Variants in TAMALIN observed in about 807,000 individuals in gnomAD.
TAMALIN encodes protein TAMALIN.
A neutral mutation model predicts 38.5 loss-of-function variants in TAMALIN; 9 were observed. The observed-to-expected ratio is 0.23, with a 90% CI of 0.14 to 0.41. TAMALIN has a LOEUF of 0.41. TAMALIN is among the 10% of genes least tolerant of loss of function. The pLI is 1.00. For missense variants in TAMALIN, 548 were observed against 554.1 expected (o/e 0.99, Z 0.11); for synonymous variants, 306 against 256.5 (o/e 1.19, Z -1.85).
At chr12:52,008,693 A>T in intron 1 of TAMALIN, 4 of 985,340 alleles carry the variant, frequency 4.1e-6, no homozygotes, top group African/African-American at 1.7e-5. Context: ...CTCCCAAGCC[A>T]CTGTCTGTAG....
chr12:52,010,435 TG>T, intron 2 of TAMALIN: 1 of 927,720 alleles, frequency 1.1e-6, no homozygotes, highest in Non-Finnish European at 1.3e-6. Flanking sequence ...CCAGCATAGC[TG>T]GGAGGAGCAG....
Position 52,010,874 on chromosome 12 carries a change from C to T in TAMALIN, c.297-7C>T. 4 of 1,613,992 alleles carry T rather than the reference C, an allele frequency of 2.5e-6. No homozygotes were observed. Among genetic ancestry groups the T allele is most frequent in the Non-Finnish European group, 3.4e-6 (4 of 1,180,012 alleles). The stretch of plus-strand genomic sequence containing the variant: ...CCTAATTGTCTTGACCCCTGTGTCT[C>T]TTGCAGGAAAGTGCTGACGTTGGAG... On this transcript the variant is annotated splice_region_variant and splice_polypyrimidine_tract_variant and intron_variant, in intron 2 of 7. Transcript: ENST00000293662.
chr12:52,014,986 G>GGCCGCGCTGA lies in TAMALIN; in HGVS notation c.981_990dup (p.Ser331AlafsTer27). ...CCGTGGGGCCGGGCCCTGGGCCGCG[G>GGCCGCGCTGA]GCCGCGCTGAGCCGCAGCGCCAGTG... On this transcript the variant is annotated frameshift_variant, in exon 8 of 8. Transcript: ENST00000293662. LOFTEE classifies it high-confidence loss of function. 1.0e-6 allele frequency: 1 copy of GGCCGCGCTGA among 980,058 alleles called. No individual in the cohort carries two copies. Among genetic ancestry groups the GGCCGCGCTGA allele is most frequent in the Non-Finnish European group, 1.2e-6 (1 of 824,492 alleles). 60.7% of individuals were successfully genotyped at this position (980,058 alleles called of 1,614,324 possible). A position where few individuals can be genotyped will look rare whatever the true frequency, so the allele number is the denominator to read the frequency against.
Position 52,011,432 on chromosome 12 carries a change from A to T in TAMALIN, c.454+291A>T. The T allele has an allele frequency of 1.7e-6, 1 of 588,366 alleles. No homozygotes were observed. The allele number at this position is 588,366 out of a possible 1,614,324, so 36.4% of individuals were successfully genotyped here. A position where few individuals can be genotyped will look rare whatever the true frequency, so the allele number is the denominator to read the frequency against. Reference sequence around the variant, plus strand: ...GCCAGGGCCTAATTAATGGTGGATGATGCTGCTGCTGCTCTGATTCCTCCC... The same window carrying T: ...GCCAGGGCCTAATTAATGGTGGATGTTGCTGCTGCTGCTCTGATTCCTCCC... On this transcript the variant is annotated intron_variant, in intron 4 of 7. Transcript: ENST00000293662. This position sits in a 1 kb window ranked among gnomAD's most constrained non-coding sequence, Gnocchi z 5.3.
intron 1 of TAMALIN, chr12:52,008,301 G>T: frequency 1.0e-6 from 1 of 985,282 alleles, no homozygotes; most frequent in Non-Finnish European, 1.2e-6. Flanking sequence ...GGGCTGCTCT[G>T]GGACTGGACC....
At position 52,014,955 on chromosome 12, in the gene TAMALIN, C is replaced by T; in HGVS notation, c.944C>T (p.Thr315Ile). 1 of 980,194 alleles carries T rather than the reference C, an allele frequency of 1.0e-6. No individual in the cohort carries two copies. Among genetic ancestry groups the T allele is most frequent in the East Asian group, 1.0e-4 (1 of 9,756 alleles). 60.7% of individuals were successfully genotyped at this position (980,194 alleles called of 1,614,324 possible). ...ARAFGPGPAE[T>I]PAVGPGPGPR... ...GCCTTCGGCCCGGGCCCCGCCGAGACCCCTGCCGTGGGGCCGGGCCCTGGG... is the reference window on the plus strand; with the variant it reads ...GCCTTCGGCCCGGGCCCCGCCGAGATCCCTGCCGTGGGGCCGGGCCCTGGG... Residue 315 changes from threonine (T) to isoleucine (I), a missense_variant, in exon 8 of 8, where the codon ACC (threonine) becomes ATC (isoleucine). Thr to Ile is a moderately conservative substitution (Grantham distance 89). Coordinates refer to ENST00000293662, the MANE Select transcript of TAMALIN (RefSeq NM_181711.4).
Position 52,007,155 on chromosome 12 carries a change from G to C in TAMALIN, c.136G>C (p.Ala46Pro). 1 of 1,493,014 alleles carries C rather than the reference G, an allele frequency of 6.7e-7. No homozygotes were observed. The highest frequency in any genetic ancestry group is 8.8e-7 in the Non-Finnish European group (1 of 1,130,020). 92.5% of individuals were successfully genotyped at this position (1,493,014 alleles called of 1,614,324 possible). Residue 46 changes from alanine (A) to proline (P), a missense_variant, in exon 1 of 8, where the codon GCC becomes CCC. Around this residue, in one of 3 missense-constraint regions of TAMALIN, gnomAD observed 128 missense variants for 117.9 expected, o/e 1.09. Transcript: ENST00000293662. This position sits in a 1 kb window ranked among gnomAD's most constrained non-coding sequence, Gnocchi z 6.7. ...GACCCCGGGACCCCCTGCCGCAGCCGCCACCCCTGGGCCCCCAGCGGACGA... is the reference window on the plus strand; with the variant it reads ...GACCCCGGGACCCCCTGCCGCAGCCCCCACCCCTGGGCCCCCAGCGGACGA... ...VPTPGPPAAAATPGPPADELY... is the reference protein window; with the variant it reads ...VPTPGPPAAAPTPGPPADELY...
Position 52,014,937 on chromosome 12 carries a change from G to A in TAMALIN, c.926G>A (p.Gly309Asp), listed in dbSNP as rs1483076265. ...PPPPPPARAF[G>D]PGPAETPAVG... is the part of the protein sequence containing the mutation. ...CCGCCGCCCCCGGCCCGCGCCTTCGGCCCGGGCCCCGCCGAGACCCCTGCC... is the reference window on the plus strand; with the variant it reads ...CCGCCGCCCCCGGCCCGCGCCTTCGACCCGGGCCCCGCCGAGACCCCTGCC... The change falls in exon 8 of 8, where the codon GGC becomes GAC. Residue 309 changes from glycine (G) to aspartate (D), a missense_variant. By Grantham distance (94) the Gly-to-Asp change is moderately conservative (BLOSUM62 -1). Coordinates refer to ENST00000293662, the MANE Select transcript of TAMALIN (RefSeq NM_181711.4). 2.0e-6 allele frequency: 2 copies of A among 1,013,724 alleles called. No individual in the cohort carries two copies. Among genetic ancestry groups the A allele is most frequent in the Non-Finnish European group, 2.4e-6 (2 of 848,478 alleles). 62.8% of individuals were successfully genotyped at this position (1,013,724 alleles called of 1,614,324 possible).
chr12:52,015,065 T>A lies in TAMALIN; in HGVS notation c.1054T>A (p.Trp352Arg). ...GGGGGAPGAL[W>R]TEAREQALCG... is the part of the protein sequence containing the mutation. ...AGGCGGGGGCGCGCCGGGCGCGCTC[T>A]GGACTGAGGCTCGCGAGCAGGCCCT... Residue 352 changes from tryptophan (W) to arginine (R), a missense_variant, in exon 8 of 8, where the codon TGG (tryptophan) becomes AGG (arginine). Trp to Arg is a moderately radical substitution (Grantham distance 101). Transcript: ENST00000293662. 6.8e-7 allele frequency: 1 copy of A among 1,469,870 alleles called. No individual in the cohort carries two copies. Among genetic ancestry groups the A allele is most frequent in the Non-Finnish European group, 8.9e-7 (1 of 1,120,278 alleles). 91.1% of individuals were successfully genotyped at this position (1,469,870 alleles called of 1,614,324 possible).
Position 52,014,902 on chromosome 12 carries a change from G to A in TAMALIN, c.891G>A (p.Ala297=). ...TCFFGDSEPP[A]LPPPPPPARA... ...TCTTCGGGGACTCCGAGCCGCCGGC[G>A]CTGCCGCCCCCGCCGCCCCCGGCCC... is the stretch of plus-strand genomic sequence containing the variant. Residue 297 remains alanine, a synonymous_variant, in exon 8 of 8, where the codon GCG becomes GCA. Transcript: ENST00000293662. 1.7e-6 allele frequency: 2 copies of A among 1,181,554 alleles called. No homozygotes were observed. The highest frequency in any genetic ancestry group is 4.2e-5 in the Admixed American group (1 of 23,956). 73.2% of individuals were successfully genotyped at this position (1,181,554 alleles called of 1,614,324 possible).
rs528770187 is a variant in TAMALIN at position 52,007,836 on chromosome 12, C to G, written c.246+571C>G. The G allele has an allele frequency of 1.6e-4, 162 of 985,446 alleles. No individual in the cohort carries two copies. The African/African-American group carries it at 2.4e-3, about 15-fold the overall frequency. The allele number at this position is 985,446 out of a possible 1,614,324, so 61.0% of individuals were successfully genotyped here. Reference sequence around the variant, plus strand: ...CGTACGGGGCGCGAGGGCCACTGCTCCCTGGACTTCTGTCGGAACCGGACG... The same window carrying G: ...CGTACGGGGCGCGAGGGCCACTGCTGCCTGGACTTCTGTCGGAACCGGACG... On this transcript the variant is annotated intron_variant, in intron 1 of 7. Transcript: ENST00000293662. This position sits in a 1 kb window ranked among gnomAD's most constrained non-coding sequence, Gnocchi z 6.7.
intron 4 of TAMALIN, among the ~76,000 whole-genome samples, chr12:52,013,095 T>TTTTTTTTTA (rs1254413690): frequency 6.8e-6 from 1 of 146,172 alleles, no homozygotes. Context: ...TTTTTTTTTT[T>TTTTTTTTTA]GAGACGGAGT....
chr12:52,014,737 G>T lies in TAMALIN; in HGVS notation c.726G>T (p.Ser242=). ...CCAGCATCTACGACACGCTGGAGTC[G>T]GTGCGCTCCTGCCTCTACGGCGCGG... ...KDPSIYDTLE[S]VRSCLYGAGL... Residue 242 remains serine (S), a synonymous_variant, in exon 8 of 8, where the codon TCG becomes TCT. Transcript: ENST00000293662. The T allele has an allele frequency of 6.6e-7, 1 of 1,520,512 alleles. No individual in the cohort carries two copies. The highest frequency in any genetic ancestry group is 8.7e-7 in the Non-Finnish European group (1 of 1,147,178). 94.2% of individuals were successfully genotyped at this position (1,520,512 alleles called of 1,614,324 possible). A position where few individuals can be genotyped will look rare whatever the true frequency, so the allele number is the denominator to read the frequency against.
At chr12:52,008,707 A>C in intron 1 of TAMALIN, 2 of 985,356 alleles carry the variant, frequency 2.0e-6, no homozygotes, top group Non-Finnish European at 2.4e-6. Flanking sequence ...TCTGTAGCTG[A>C]GAAATTAGAT....
rs1937678350 is a variant in TAMALIN at position 52,012,666 on chromosome 12, T to C, written c.455-1021T>C. Among the ~76,000 whole-genome samples the C allele has an allele frequency of 3.9e-5, 6 of 152,316 alleles. 1 individual carries two copies. The South Asian group carries it at 6.2e-4, about 16-fold the overall frequency. On this transcript the variant is annotated intron_variant, in intron 4 of 7. Coordinates refer to ENST00000293662, the MANE Select transcript of TAMALIN (RefSeq NM_181711.4). Reference sequence around the variant, plus strand: ...TTAAATGGTAGCAGTAGCCAAGTGGTATACTACAACTTCTCAAAGTAGTTT... The same window carrying C: ...TTAAATGGTAGCAGTAGCCAAGTGGCATACTACAACTTCTCAAAGTAGTTT...
At chr12:52,010,486 G>A in intron 2 of TAMALIN, 1 of 1,030,660 alleles carries the variant, frequency 9.7e-7, no homozygotes, top group Non-Finnish European at 1.2e-6. Context: ...CTCTGGGGGT[G>A]GGGCCAGTCC....
chr12:52,013,241 C>G (rs976478944), intron 4 of TAMALIN, among the ~76,000 whole-genome samples: 28 of 150,130 alleles, frequency 1.9e-4, no homozygotes, highest in Non-Finnish European at 3.9e-4. Flanking sequence ...CCACGCCCGG[C>G]TAATTTTTTG....
intron 4 of TAMALIN, among the ~76,000 whole-genome samples, chr12:52,013,280 T>C (rs1377962391): frequency 6.6e-6 from 1 of 150,866 alleles, no homozygotes; most frequent in African/African-American, 2.4e-5. Flanking sequence ...GGTTTCACCG[T>C]GTTAGCCAGG....
rs149580100 is a variant in TAMALIN, at chr12:52,008,932, A to C, written c.247-258A>C. ...AGTGTGGAAACCAGCAAGGGCTTAG[A>C]GGTTCATGGATCTGGAACCCAGGAG... On this transcript the variant is annotated intron_variant, in intron 1 of 7. Transcript: ENST00000293662. 6.2e-4 allele frequency among the ~76,000 whole-genome samples: 94 copies of C among 152,334 alleles called. 1 individual carries two copies. Among genetic ancestry groups the C allele is most frequent in the African/African-American group, 2.1e-3 (86 of 41,578 alleles).
Sources: allele counts gnomAD v4.1 joint callset (sites outside exome capture counted in the v4.1 genomes callset), GRCh38; gene constraint gnomAD v4.1.1; regional missense constraint gnomAD v4.1.1; non-coding constraint Gnocchi (gnomAD v3.1); transcripts MANE v1.5; gene names NCBI Gene and HGNC (gene_info 2026-07-23, HGNC 2026-07-21).